ANKRD24: variants seen among roughly 807,000 people sequenced by gnomAD.
ANKRD24 encodes ankyrin repeat domain 24.
In ANKRD24, 109 loss-of-function variants were observed where a neutral mutation model predicts 127.8. That is an observed-to-expected ratio of 0.85 (90% CI 0.73 to 1.00). ANKRD24 has a LOEUF of 1.00. ANKRD24 is among the 50% of genes least tolerant of loss of function. The pLI, the probability that ANKRD24 is intolerant of heterozygous loss-of-function variation, is 0.00. For missense variants in ANKRD24, 1,648 were observed against 1,570.2 expected (o/e 1.05, Z -0.84); for synonymous variants, 743 against 671.1 (o/e 1.11, Z -1.66).
In ANKRD24 at chr19:4,224,119, G is replaced by T. The variant is rs770301516; in HGVS notation, c.3298-8G>T. On this transcript the variant is annotated splice_region_variant and splice_polypyrimidine_tract_variant and intron_variant, in intron 20 of 21. Coordinates refer to ENST00000318934, the MANE Select transcript of ANKRD24 (RefSeq NM_001393985.1). The stretch of plus-strand genomic sequence containing the variant: ...GCTCTTCTGAGCGCCCCTTCCTCAT[G>T]CCCACAGGAAGCTGCCAGGGACCAC... The T allele has an allele frequency of 3.2e-5, 52 of 1,611,712 alleles. No homozygotes were observed. The East Asian group carries it at 1.1e-3, about 35-fold the overall frequency.
chr19:4,186,338 C>T (rs1202930277), intron 1 of ANKRD24, 52 bp from the exon 2 acceptor site: 54 of 1,546,338 alleles, frequency 3.5e-5, no homozygotes, highest in Non-Finnish European at 4.3e-5. Flanking sequence ...CGGACCCTGC[C>T]GCCCACCAGG....
chr19:4,186,092 T>A (rs1315744042), intron 1 of ANKRD24, among the ~76,000 whole-genome samples: 1 of 152,196 alleles, frequency 6.6e-6, no homozygotes, highest in Non-Finnish European at 1.5e-5. Flanking sequence ...GATGCATTTA[T>A]GAAGCCCCTC....
intron 1 of ANKRD24, among the ~76,000 whole-genome samples, chr19:4,186,093 G>A (rs1286105380): frequency 6.6e-6 from 1 of 152,194 alleles, no homozygotes; most frequent in Non-Finnish European, 1.5e-5. Context: ...ATGCATTTAT[G>A]AAGCCCCTCA....
At chr19:4,196,149 C>T (rs1021154513) in intron 2 of ANKRD24, among the ~76,000 whole-genome samples, 3 of 152,208 alleles carry the variant, frequency 2.0e-5, no homozygotes, top group Non-Finnish European at 4.4e-5. Flanking sequence ...GCCCACAGTG[C>T]TTCCTTGGTG....
chr19:4,219,825 C>T (rs972399575), intron 19 of ANKRD24, 67 bp downstream of exon 19: 23 of 1,484,558 alleles, frequency 1.5e-5, no homozygotes, highest in South Asian at 1.2e-4. Flanking sequence ...GGCCAATCTA[C>T]GAAGGTCCTC....
At chr19:4,224,328 C>A in intron 21 of ANKRD24, 100 bp from the exon 22 acceptor site, 1 of 1,440,680 alleles carries the variant, frequency 6.9e-7, no homozygotes, top group Non-Finnish European at 9.6e-7. Context: ...CCCCTGTGTG[C>A]ATTTCCCTCC....
Position 4,222,919 on chromosome 19 carries a change from A to G in ANKRD24, c.3297+124A>G. 3 of 1,128,604 alleles carry G rather than the reference A, an allele frequency of 2.7e-6. No individual in the cohort carries two copies. In the South Asian group the frequency reaches 6.6e-5, roughly 25 times the overall value. The allele number at this position is 1,128,604 out of a possible 1,614,324, so 69.9% of individuals were successfully genotyped here. Reference sequence around the variant, plus strand: ...GCTGGGGTAGGCAGGTGGGGTCCACATCACATGCACGGCATGGCCAGGAAA... The same window carrying G: ...GCTGGGGTAGGCAGGTGGGGTCCACGTCACATGCACGGCATGGCCAGGAAA... On this transcript the variant is annotated intron_variant, in intron 20 of 21. Coordinates refer to ENST00000318934, the MANE Select transcript of ANKRD24 (RefSeq NM_001393985.1).
chr19:4,201,667 C>T (rs11085063), intron 5 of ANKRD24, among the ~76,000 whole-genome samples: 117,245 of 151,928 alleles, frequency 0.77, 45,393 homozygotes, highest in African/African-American at 0.83. Flanking sequence ...GAGGATCGCA[C>T]GAGCCAAGGA....
intron 5 of ANKRD24, among the ~76,000 whole-genome samples, chr19:4,200,555 G>A (rs557427282): frequency 6.6e-6 from 1 of 152,160 alleles, no homozygotes; most frequent in East Asian, 1.9e-4. Context: ...GTCTCCCTCT[G>A]TCACCCAGGC....
In ANKRD24 at chr19:4,216,278, C is replaced by T; in HGVS notation, c.1271-6C>T. 6.4e-7 allele frequency: 1 copy of T among 1,552,252 alleles called. No homozygotes were observed. The highest frequency in any genetic ancestry group is 1.2e-5 in the South Asian group (1 of 84,078). On this transcript the variant is annotated splice_polypyrimidine_tract_variant and splice_region_variant and intron_variant, in intron 16 of 21. Coordinates refer to ENST00000318934, the MANE Select transcript of ANKRD24 (RefSeq NM_001393985.1). ...CCCCAGGGCCTGACTCTGCGTCCCCCTCCAGGGGCCGAGGTGCTGCTGTCC... is the reference window on the plus strand; with the variant it reads ...CCCCAGGGCCTGACTCTGCGTCCCCTTCCAGGGGCCGAGGTGCTGCTGTCC...
At position 4,192,207 on chromosome 19, in the gene ANKRD24, C is replaced by G. The variant is rs572156963; in HGVS notation, c.36+5746C>G. 4.1e-4 allele frequency among the ~76,000 whole-genome samples: 62 copies of G among 152,234 alleles called. 2 individuals carry two copies. In the Middle Eastern group the frequency reaches 0.01, roughly 25 times the overall value. ...AATGGGAGTTACCTGGAGCTGTTCA[C>G]TTGGGGCTTCACTGACCTCCTGCCT... On this transcript the variant is annotated intron_variant, in intron 2 of 21. Transcript: ENST00000318934.
chr19:4,199,658 C>T lies in ANKRD24; in HGVS notation c.37-25C>T, dbSNP rs1324930789. 5.9e-6 allele frequency: 9 copies of T among 1,514,196 alleles called. No individual in the cohort carries two copies. The highest frequency in any genetic ancestry group is 4.9e-5 in the East Asian group (2 of 40,660). 93.8% of individuals were successfully genotyped at this position (1,514,196 alleles called of 1,614,324 possible). On this transcript the variant is annotated intron_variant, in intron 2 of 21. Coordinates refer to ENST00000318934, the MANE Select transcript of ANKRD24 (RefSeq NM_001393985.1). The surrounding 1 kb of genome is among the most constrained non-coding windows in gnomAD (Gnocchi z 5.2). The stretch of plus-strand genomic sequence containing the variant: ...GGGGGACACTGTCTGAGGACCCCCT[C>T]GCCCAGGACCACCTCCCCCTGCAGC...
In ANKRD24 at chr19:4,223,394, TATATA is replaced by T. The variant is rs1244483981; in HGVS notation, c.3297+600_3297+604del. 2.4e-3 allele frequency among the ~76,000 whole-genome samples: 167 copies of T among 69,534 alleles called. 1 individual carries two copies. Among genetic ancestry groups the T allele is most frequent in the Non-Finnish European group, 2.7e-3 (107 of 39,564 alleles). 45.6% of individuals were successfully genotyped at this position (69,534 alleles called of 152,430 possible). Reference sequence around the variant, plus strand: ...ATACATATATATATATATATATATATATATATATTTTTTTTTTTTTTTTTTTGAGC... The same window carrying T: ...ATACATATATATATATATATATATATTATTTTTTTTTTTTTTTTTTTGAGC... On this transcript the variant is annotated intron_variant, in intron 20 of 21. Transcript: ENST00000318934.
At chr19:4,213,239 CTCCT>C (rs1235551067) in intron 15 of ANKRD24, among the ~76,000 whole-genome samples, 2 of 93,232 alleles carry the variant, frequency 2.1e-5, no homozygotes, top group Non-Finnish European at 4.4e-5. Flanking sequence ...CCTTCCCTCC[CTCCT>C]TCCTTCCTTT....
Position 4,216,792 on chromosome 19 carries a change from G to T in ANKRD24, c.1632G>T (p.Met544Ile). 6.2e-7 allele frequency: 1 copy of T among 1,601,360 alleles called. No homozygotes were observed. Among genetic ancestry groups the T allele is most frequent in the East Asian group, 2.3e-5 (1 of 44,288 alleles). The change falls in exon 18 of 22, where the codon ATG becomes ATT. Residue 544 changes from methionine to isoleucine, a missense_variant. By Grantham distance (10) the Met-to-Ile change is conservative. Coordinates refer to ENST00000318934, the MANE Select transcript of ANKRD24 (RefSeq NM_001393985.1). The part of the protein sequence containing the change: ...ATATKNGPTH[M>I]ELNGSVAPET... Reference sequence around the variant, plus strand: ...CCACCAAAAACGGGCCAACCCACATGGAGCTAAATGGCTCAGTGGCTCCAG... The same window carrying T: ...CCACCAAAAACGGGCCAACCCACATTGAGCTAAATGGCTCAGTGGCTCCAG...
intron 15 of ANKRD24, 56 bp downstream of exon 15, chr19:4,212,754 C>T (rs2145361198): frequency 6.8e-7 from 1 of 1,476,298 alleles, no homozygotes; most frequent in African/African-American, 1.4e-5. Context: ...AACTTCTCTC[C>T]TACAGCAGCG....
At chr19:4,209,809 T>C (rs946350177) in intron 11 of ANKRD24, among the ~76,000 whole-genome samples, 1 of 152,180 alleles carries the variant, frequency 6.6e-6, no homozygotes, top group African/African-American at 2.4e-5. Flanking sequence ...GTGGGCAATG[T>C]GGTCTAGCTG....
intron 7 of ANKRD24, 112 bp from the exon 8 acceptor site, chr19:4,207,130 C>A: frequency 1.3e-6 from 1 of 753,972 alleles, no homozygotes; most frequent in Non-Finnish European, 2.3e-6. Flanking sequence ...ACTGTGTTGG[C>A]CCAGGTTGGT....
At chr19:4,212,746 C>T in intron 15 of ANKRD24, 48 bp downstream of exon 15, 3 of 1,504,700 alleles carry the variant, frequency 2.0e-6, no homozygotes, top group Non-Finnish European at 2.7e-6. Context: ...GGTCGGGGAA[C>T]TTCTCTCCTA....
Sources: allele counts gnomAD v4.1 joint callset (sites outside exome capture counted in the v4.1 genomes callset), GRCh38; gene constraint gnomAD v4.1.1; non-coding constraint Gnocchi (gnomAD v3.1); transcripts MANE v1.5; gene names NCBI Gene and HGNC (gene_info 2026-07-23, HGNC 2026-07-21).